Variants in EBP observed in about 807,000 individuals in gnomAD.
EBP encodes the protein 3-beta-hydroxysteroid-Delta(8),Delta(7)-isomerase.
A neutral mutation model predicts 14.1 loss-of-function variants in EBP; 1 was observed. The ratio of observed to expected loss-of-function variants is 0.07; its 90% CI spans 0.03 to 0.34. The LOEUF (loss-of-function observed/expected upper bound fraction) is 0.34, where lower values mean the gene tolerates loss of function less well. Ranked by LOEUF, EBP falls within the 10% of genes least tolerant of loss-of-function variation. The pLI, the probability that EBP is intolerant of heterozygous loss-of-function variation, is 0.99. For missense variants in EBP, 123 were observed against 184.6 expected, an observed-to-expected ratio of 0.67 and a Z score of 1.93; for synonymous variants, 72 against 77.7, an observed-to-expected ratio of 0.93 and a Z score of 0.38.
chrX:48,523,276 C>T (rs377348186), intron 1 of EBP, among the ~76,000 whole-genome samples: 5 of 111,433 alleles, frequency 4.5e-5, no homozygotes, highest in African/African-American at 1.3e-4. Flanking sequence ...GAATGTAGGC[C>T]GGGCGCAGTG....
chrX:48,522,156 A>G (rs1365288194), intron 1 of EBP: 1 of 112,836 alleles, frequency 8.9e-6, no homozygotes, highest in African/African-American at 3.2e-5. Flanking sequence ...GCTGCACGCC[A>G]GACACCGGCC....
At chrX:48,522,147 C>T (rs1395426569) in intron 1 of EBP, 2 of 112,843 alleles carry the variant, frequency 1.8e-5, no homozygotes, top group African/African-American at 6.4e-5. Context: ...CGTTCTAGCG[C>T]TGCACGCCAG....
In EBP at chrX:48,528,370, C is replaced by G. The variant is rs1556977772; in HGVS notation, c.606C>G (p.Val202=). 8.4e-7 allele frequency: 1 copy of G among 1,193,947 alleles called. No homozygotes were observed. Among genetic ancestry groups the G allele is most frequent in the East Asian group, 3.0e-5 (1 of 32,961 alleles). ...CCCTGTGGCTGGTGCTGCCTGGAGT[C>G]CTTGTGCTTGATGCTGTGAAGCACC... ...MNALWLVLPG[V]LVLDAVKHLT... The change falls in exon 5 of 5, where the codon GTC becomes GTG. Residue 202 remains valine (V), a synonymous_variant. Coordinates refer to ENST00000495186, the MANE Select transcript of EBP (RefSeq NM_006579.3).
At chrX:48,527,112 A>G in intron 3 of EBP, 43 bp from the exon 4 acceptor site, 1 of 1,211,972 alleles carries the variant, frequency 8.3e-7, no homozygotes, top group South Asian at 1.8e-5. Context: ...ACCTGTAGGA[A>G]GAGCACACCG....
chrX:48,521,943 C>T (rs2061762180), intron 1 of EBP, 36 bp downstream of exon 1: 1 of 112,298 alleles, frequency 8.9e-6, no homozygotes, highest in Non-Finnish European at 1.9e-5. Flanking sequence ...CTCCCTCCCC[C>T]AGCTCTCCCC....
At chrX:48,523,553 G>GAAAAA in intron 1 of EBP, 146 bp from the exon 2 acceptor site, 5 of 272,034 alleles carry the variant, frequency 1.8e-5, no homozygotes, top group Non-Finnish European at 3.0e-5. Flanking sequence ...GACTCCGTCT[G>GAAAAA]AAAAAAAAAA....
intron 1 of EBP, among the ~76,000 whole-genome samples, chrX:48,523,244 CT>C (rs1308524008): frequency 8.9e-6 from 1 of 111,965 alleles, no homozygotes; most frequent in Non-Finnish European, 1.9e-5. Flanking sequence ...GGTGCCTGGC[CT>C]TTAGTCATGG....
intron 2 of EBP, among the ~76,000 whole-genome samples, chrX:48,525,112 T>C (rs2061775317): frequency 8.9e-6 from 1 of 112,386 alleles, no homozygotes; most frequent in Non-Finnish European, 1.9e-5. Context: ...TAGGCACTGT[T>C]GATAGTTGTT....
Position 48,528,497 on chromosome X carries a change from C to A in EBP, c.*40C>A, listed in dbSNP as rs1284596108. The A allele has an allele frequency of 9.2e-7, 1 of 1,087,235 alleles. No individual in the cohort carries two copies. Among genetic ancestry groups the A allele is most frequent in the African/African-American group, 1.8e-5 (1 of 54,120 alleles). The allele number at this position is 1,087,235 out of a possible 1,213,427, so 89.6% of individuals were successfully genotyped here. On this transcript the variant is annotated 3_prime_UTR_variant, in exon 5 of 5. Transcript: ENST00000495186. ...GGCTCGAACACTGGCCGAGGAGGAG[C>A]TCTCTGCCTGCCAGAAGAGTCTAGT...
At chrX:48,524,893 C>T (rs2061774579) in intron 2 of EBP, 2 of 110,987 alleles carry the variant, frequency 1.8e-5, no homozygotes, top group South Asian at 7.6e-4. Flanking sequence ...CAAGGTCTTG[C>T]TATGTTGCTC....
At chrX:48,526,019 G>A (rs888386310) in intron 2 of EBP, among the ~76,000 whole-genome samples, 4 of 104,922 alleles carry the variant, frequency 3.8e-5, no homozygotes, top group Non-Finnish European at 7.8e-5. Context: ...CCTGGGAGGC[G>A]GAGGTTGTGG....
intron 4 of EBP, 46 bp downstream of exon 4, chrX:48,527,331 T>C: frequency 8.3e-7 from 1 of 1,208,823 alleles, no homozygotes; most frequent in East Asian, 3.0e-5. Context: ...GAGGGGTTGA[T>C]GGGGGATCCA....
At chrX:48,524,839 G>T (rs1451542622) in intron 2 of EBP, 1 of 108,203 alleles carries the variant, frequency 9.2e-6, no homozygotes, top group East Asian at 3.0e-4. Context: ...TACTATAGGT[G>T]CACACCTTTA....
chrX:48,525,495 A>C (rs1387074065), intron 2 of EBP, among the ~76,000 whole-genome samples: 1 of 110,149 alleles, frequency 9.1e-6, no homozygotes, highest in African/African-American at 3.3e-5. Flanking sequence ...CAGCCTCCCT[A>C]GTAGCTGGGA....
At chrX:48,525,183 G>A (rs1176934231) in intron 2 of EBP, among the ~76,000 whole-genome samples, 1 of 112,107 alleles carries the variant, frequency 8.9e-6, no homozygotes, top group Non-Finnish European at 1.9e-5. Context: ...GTAAAAGGAG[G>A]ATAATAGTAA....
At position 48,523,933 on chromosome X, in the gene EBP, G is replaced by A. The variant is rs1205158635; in HGVS notation, c.162G>A (p.Ala54=). The A allele has an allele frequency of 3.0e-5, 36 of 1,209,164 alleles. No homozygotes were observed. Among genetic ancestry groups the A allele is most frequent in the Non-Finnish European group, 3.6e-5 (32 of 895,117 alleles). The change falls in exon 2 of 5, where the codon GCG becomes GCA. Residue 54 remains alanine (A), a synonymous_variant. Transcript: ENST00000495186. ...CATGGCTGTTGTCAGGTCGTGCTGC[G>A]GTTGTCCCATTGGGGACTTGGCGGC... ...VTTWLLSGRA[A]VVPLGTWRRL...
Position 48,527,564 on chromosome X carries a change from G to T in EBP, c.469+279G>T, listed in dbSNP as rs181681695. On this transcript the variant is annotated intron_variant, in intron 4 of 4. Transcript: ENST00000495186. Reference sequence around the variant, plus strand: ...TGGCCCAGGGTGGCAAGAAGCCCCTGGAACCTCCAGGATCAGGGCTCTGAG... The same window carrying T: ...TGGCCCAGGGTGGCAAGAAGCCCCTTGAACCTCCAGGATCAGGGCTCTGAG... The T allele has an allele frequency of 2.9e-5, 11 of 383,548 alleles. No homozygotes were observed. In the Admixed American group the frequency reaches 4.0e-4, roughly 14 times the overall value. 31.6% of individuals were successfully genotyped at this position (383,548 alleles called of 1,213,427 possible).
chrX:48,527,163 A>G lies in EBP; in HGVS notation c.347A>G (p.Asn116Ser), dbSNP rs1556977569. The G allele has an allele frequency of 1.7e-6, 2 of 1,211,710 alleles. No homozygotes were observed. The highest frequency in any genetic ancestry group is 2.2e-5 in the Admixed American group (1 of 46,030). ...KGDSRYILGD[N>S]FTVCMETITA... ...CATGCTTTCTCCTGCAGGGGTGACA[A>G]CTTCACAGTGTGCATGGAAACCATC... is the stretch of plus-strand genomic sequence containing the variant. Residue 116 changes from asparagine to serine, a missense_variant, in exon 4 of 5, where the codon AAC becomes AGC. Coordinates refer to ENST00000495186, the MANE Select transcript of EBP (RefSeq NM_006579.3).
chrX:48,528,427 G>A lies in EBP; in HGVS notation c.663G>A (p.Lys221=), dbSNP rs782616301. ...ATGCCCAGAGCACGCTGGATGCCAA[G>A]GCCACAAAAGCCAAGAGCAAGAAGA... ...LTHAQSTLDA[K]ATKAKSKKN is the part of the protein sequence containing the mutation. Residue 221 remains lysine (K), a synonymous_variant, in exon 5 of 5, where the codon AAG becomes AAA. Coordinates refer to ENST00000495186, the MANE Select transcript of EBP (RefSeq NM_006579.3). 3.4e-6 allele frequency: 4 copies of A among 1,169,148 alleles called. No homozygotes were observed. The highest frequency in any genetic ancestry group is 1.9e-5 in the South Asian group (1 of 52,731).
Sources: gnomAD v4.1 joint callset for allele counts (sites outside exome capture counted in the v4.1 genomes callset) on GRCh38, gnomAD v4.1.1 for gene constraint, MANE v1.5 for transcripts, NCBI Gene and HGNC (gene_info 2026-07-23, HGNC 2026-07-21) for gene names.